Variants in AKT3 observed in about 807,000 individuals in gnomAD.
The protein encoded by AKT3 is RAC-gamma serine/threonine-protein kinase.
In AKT3, 15 loss-of-function variants were observed where a neutral mutation model predicts 65.3. The observed-to-expected ratio is 0.23, with a 90% CI of 0.15 to 0.35. The LOEUF is 0.35. Among genes scored for constraint, AKT3 ranks in the 10% least tolerant of loss-of-function variants. The pLI, the probability that AKT3 is intolerant of heterozygous loss-of-function variation, is 1.00. For missense variants in AKT3, 243 were observed against 576.5 expected, an observed-to-expected ratio of 0.42 and a Z score of 5.92; for synonymous variants, 206 against 183.8, an observed-to-expected ratio of 1.12 and a Z score of -0.98.
intron 8 of AKT3, among the ~76,000 whole-genome samples, chr1:243,594,705 C>T (rs1676474423): frequency 6.6e-6 from 1 of 152,118 alleles, no homozygotes; most frequent in South Asian, 2.1e-4. Flanking sequence ...TCAAGCAATG[C>T]TCCCAATTCT....
chr1:243,686,102 G>A (rs993227772), intron 3 of AKT3, among the ~76,000 whole-genome samples: 1 of 152,108 alleles, frequency 6.6e-6, no homozygotes, highest in African/African-American at 2.4e-5. Context: ...AAGGAAATAA[G>A]AGAGGACACA....
chr1:243,591,928 T>C (rs550008127), intron 8 of AKT3, among the ~76,000 whole-genome samples: 4 of 152,252 alleles, frequency 2.6e-5, no homozygotes, highest in Non-Finnish European at 2.9e-5. Context: ...TGTAAATAAG[T>C]AGATTCTCAG....
intron 3 of AKT3, among the ~76,000 whole-genome samples, chr1:243,691,173 C>A (rs766483166): frequency 6.6e-6 from 1 of 152,108 alleles, no homozygotes; most frequent in African/African-American, 2.4e-5. Context: ...ACATTCCAAT[C>A]GAAGGGAACA....
At chr1:243,585,498 A>C (rs1675729211) in intron 8 of AKT3, among the ~76,000 whole-genome samples, 1 of 152,156 alleles carries the variant, frequency 6.6e-6, no homozygotes, top group South Asian at 2.1e-4. Context: ...CCATACTATA[A>C]AGCTACAGCA....
At chr1:243,794,599 T>C (rs1377424056) in intron 2 of AKT3, among the ~76,000 whole-genome samples, 2 of 152,184 alleles carry the variant, frequency 1.3e-5, no homozygotes, top group East Asian at 3.8e-4. Context: ...CAGAAATGGG[T>C]GTTATCTACT....
At chr1:243,841,686 A>G (rs1213020560) in intron 2 of AKT3, among the ~76,000 whole-genome samples, 7 of 152,326 alleles carry the variant, frequency 4.6e-5, no homozygotes, top group African/African-American at 1.7e-4. Flanking sequence ...TTATTACCCA[A>G]GACAAATGAA....
chr1:243,739,368 G>A (rs1331980727), intron 2 of AKT3, among the ~76,000 whole-genome samples: 1 of 151,970 alleles, frequency 6.6e-6, no homozygotes, highest in Non-Finnish European at 1.5e-5. Context: ...TATAATATAG[G>A]TCAATTCGCA....
intron 2 of AKT3, among the ~76,000 whole-genome samples, chr1:243,697,165 A>G (rs1385271330): frequency 6.6e-6 from 1 of 152,066 alleles, no homozygotes. Context: ...ACTTGAAAAT[A>G]AATTTATTAC....
chr1:243,667,726 T>A (rs982299566), intron 3 of AKT3, among the ~76,000 whole-genome samples: 38 of 152,214 alleles, frequency 2.5e-4, no homozygotes, highest in African/African-American at 8.7e-4. Context: ...TAAGAATAGA[T>A]GAGTAAGGCC....
chr1:243,528,744 C>T (rs1671326065), intron 12 of AKT3, among the ~76,000 whole-genome samples: 1 of 152,104 alleles, frequency 6.6e-6, no homozygotes, highest in Admixed American at 6.5e-5. Context: ...TAGGTTGATC[C>T]CATGTCTTTG....
chr1:243,844,077 TATAAA>T (rs1457243578), intron 1 of AKT3, among the ~76,000 whole-genome samples: 1 of 152,210 alleles, frequency 6.6e-6, no homozygotes, highest in African/African-American at 2.4e-5. Context: ...ATGTACTTAT[TATAAA>T]GTAAAGTGAA....
chr1:243,684,077 C>G (rs1033944156), intron 3 of AKT3, among the ~76,000 whole-genome samples: 3 of 152,006 alleles, frequency 2.0e-5, no homozygotes, highest in African/African-American at 7.2e-5. Flanking sequence ...TGTCTCTGAT[C>G]CAATGGTGTT....
intron 2 of AKT3, among the ~76,000 whole-genome samples, chr1:243,834,480 G>A (rs12039570): frequency 3.9e-5 from 6 of 152,044 alleles, no homozygotes; most frequent in Admixed American, 1.3e-4. Context: ...ATGTATACTC[G>A]ATGTTTCAAG....
intron 12 of AKT3, among the ~76,000 whole-genome samples, chr1:243,530,910 A>C (rs2148412423): frequency 6.6e-6 from 1 of 152,342 alleles, no homozygotes; most frequent in East Asian, 1.9e-4. Context: ...TTGAAAATAA[A>C]AAAAGAACTA....
At chr1:243,549,371 A>G (rs1672887289) in intron 11 of AKT3, among the ~76,000 whole-genome samples, 1 of 152,130 alleles carries the variant, frequency 6.6e-6, no homozygotes, top group Admixed American at 6.5e-5. Flanking sequence ...CATAACCTCT[A>G]TCACTTGTGT....
intron 7 of AKT3, 123 bp downstream of exon 7, chr1:243,614,973 C>G: frequency 2.7e-6 from 2 of 733,100 alleles, no homozygotes; most frequent in Admixed American, 2.9e-5. Flanking sequence ...ATTTGACTTA[C>G]GTTCTTTCCA....
intron 2 of AKT3, among the ~76,000 whole-genome samples, chr1:243,783,884 T>G (rs946249789): frequency 1.3e-5 from 2 of 152,146 alleles, no homozygotes; most frequent in African/African-American, 4.8e-5. Context: ...AATAAACCCA[T>G]GGGAAAATGT....
At chr1:243,760,247 T>C (rs1015650273) in intron 2 of AKT3, among the ~76,000 whole-genome samples, 4 of 148,880 alleles carry the variant, frequency 2.7e-5, no homozygotes, top group African/African-American at 7.4e-5. Context: ...GCCTCTCAAA[T>C]AGCTGGGACT....
intron 6 of AKT3, among the ~76,000 whole-genome samples, chr1:243,632,420 C>A (rs770809295): frequency 6.6e-6 from 1 of 152,146 alleles, no homozygotes; most frequent in Admixed American, 6.6e-5. Flanking sequence ...GTCTCCACAG[C>A]GGGCCTAAAA....
Sources: gnomAD v4.1 joint callset for allele counts (sites outside exome capture counted in the v4.1 genomes callset) on GRCh38, gnomAD v4.1.1 for gene constraint, MANE v1.5 for transcripts, NCBI Gene and HGNC (gene_info 2026-07-23, HGNC 2026-07-21) for gene names.